Variants in AMHR2 observed in about 807,000 individuals in gnomAD.
AMHR2 encodes anti-Muellerian hormone type-2 receptor.
A neutral mutation model predicts 61.4 loss-of-function variants in AMHR2; 36 were observed. The observed-to-expected ratio is 0.59, with a 90% confidence interval of 0.45 to 0.77. The LOEUF is 0.77. Ranked by LOEUF, AMHR2 falls within the 30% of genes least tolerant of loss-of-function variation. AMHR2 has a pLI of 0.00. For synonymous variants in AMHR2, 258 were observed against 279.4 expected (o/e 0.92, Z 0.76); for missense variants, 638 against 714.6 (o/e 0.89, Z 1.22).
Position 53,425,111 on chromosome 12 carries a change from G to A in AMHR2, c.425-54G>A. ...GCAAGCTCTCAGGAGGGGAAGAGCA[G>A]AGAGCAGGTTTGGGTCAGTGCTCTC... On this transcript the variant is annotated intron_variant, in intron 3 of 10. Coordinates refer to ENST00000257863, the MANE Select transcript of AMHR2 (RefSeq NM_020547.3). The A allele has an allele frequency of 1.9e-6, 3 of 1,610,858 alleles. No homozygotes were observed. In the South Asian group the frequency reaches 3.3e-5, roughly 18 times the overall value.
At chr12:53,430,480 C>T (rs1413212501) in intron 10 of AMHR2, 198 bp downstream of exon 10, 3 of 775,822 alleles carry the variant, frequency 3.9e-6, no homozygotes, top group Admixed American at 4.5e-5. Flanking sequence ...CTCACACAGT[C>T]GATTCCATCT....
chr12:53,425,068 G>C, intron 3 of AMHR2, 97 bp from the exon 4 acceptor site: 1 of 1,600,082 alleles, frequency 6.2e-7, no homozygotes, highest in Non-Finnish European at 8.5e-7. Context: ...TGTGACCAGG[G>C]TGGGGGTGGG....
chr12:53,430,918 A>T (rs1940048830), intron 10 of AMHR2: 1 of 564,694 alleles, frequency 1.8e-6, no homozygotes, highest in African/African-American at 1.9e-5. Context: ...GTAATTTCCC[A>T]TTAGCATATT....
chr12:53,424,192 G>A, intron 1 of AMHR2, 96 bp from the exon 2 acceptor site: 1 of 1,516,422 alleles, frequency 6.6e-7, no homozygotes, highest in South Asian at 1.1e-5. Context: ...CTGACGCTGG[G>A]ATGTGGAACA....
At chr12:53,426,055 G>T (rs1422507765) in intron 6 of AMHR2, 136 bp downstream of exon 6, 1 of 999,824 alleles carries the variant, frequency 1.0e-6, no homozygotes, top group African/African-American at 1.6e-5. Flanking sequence ...AAATGGCCAG[G>T]CGAGGTGGCC....
intron 2 of AMHR2, 75 bp from the exon 3 acceptor site, chr12:53,424,632 CCT>C (rs1041262774): frequency 6.5e-7 from 1 of 1,538,382 alleles, no homozygotes; most frequent in African/African-American, 1.4e-5. Flanking sequence ...AGGGATTTAC[CCT>C]CTGTTTCCAC....
In AMHR2 at chr12:53,425,800, G is replaced by A. The variant is rs1439647673; in HGVS notation, c.733G>A (p.Ala245Thr). 6.2e-7 allele frequency: 1 copy of A among 1,614,170 alleles called. No homozygotes were observed. Among genetic ancestry groups the A allele is most frequent in the Admixed American group, 1.7e-5 (1 of 60,018 alleles). Residue 245 changes from alanine (A) to threonine (T), a missense_variant, in exon 6 of 11, where the codon GCA (alanine) becomes ACA (threonine). Ala to Thr is a moderately conservative substitution (Grantham distance 58). Coordinates refer to ENST00000257863, the MANE Select transcript of AMHR2 (RefSeq NM_020547.3). ...TGTGGCTCAGTTCCAAGCTGAGAGAGCATTGTACGAACTTCCAGGCCTACA... is the reference window on the plus strand; with the variant it reads ...TGTGGCTCAGTTCCAAGCTGAGAGAACATTGTACGAACTTCCAGGCCTACA... ...RSVAQFQAER[A>T]LYELPGLQHD...
Position 53,424,390 on chromosome 12 carries a change from G to T in AMHR2, c.152G>T (p.Arg51Ile). ...ELLDTGTELPRAIRCLYSRCC... is the reference protein window; with the variant it reads ...ELLDTGTELPIAIRCLYSRCC... ...CTAGATACAGGCACAGAGCTCCCCAGAGCTATCCGCTGCCTCTACAGCCGC... is the reference window on the plus strand; with the variant it reads ...CTAGATACAGGCACAGAGCTCCCCATAGCTATCCGCTGCCTCTACAGCCGC... Residue 51 changes from arginine (R) to isoleucine (I), a missense_variant, in exon 2 of 11, where the codon AGA (arginine) becomes ATA (isoleucine). Transcript: ENST00000257863. The T allele has an allele frequency of 6.2e-7, 1 of 1,613,676 alleles. No homozygotes were observed. The highest frequency in any genetic ancestry group is 1.3e-5 in the African/African-American group (1 of 75,028).
In AMHR2 at chr12:53,424,177, C is replaced by T. The variant is rs367934106; in HGVS notation, c.50-111C>T. 156 of 1,471,052 alleles carry T rather than the reference C, an allele frequency of 1.1e-4. No individual in the cohort carries two copies. The African/African-American group carries it at 1.9e-3, about 18-fold the overall frequency. 91.1% of individuals were successfully genotyped at this position (1,471,052 alleles called of 1,614,324 possible). A position where few individuals can be genotyped will look rare whatever the true frequency, so the allele number is the denominator to read the frequency against. On this transcript the variant is annotated intron_variant, in intron 1 of 10. Coordinates refer to ENST00000257863, the MANE Select transcript of AMHR2 (RefSeq NM_020547.3). ...GACCCTGCTTCCTCCTGTGGCTTTA[C>T]CATACTGACGCTGGGATGTGGAACA...
chr12:53,429,527 G>A lies in AMHR2; in HGVS notation c.1042G>A (p.Ala348Thr), dbSNP rs142231712. 4 of 1,613,634 alleles carry A rather than the reference G, an allele frequency of 2.5e-6. No individual in the cohort carries two copies. Among genetic ancestry groups the A allele is most frequent in the Non-Finnish European group, 3.4e-6 (4 of 1,179,982 alleles). Residue 348 changes from alanine (A) to threonine (T), a missense_variant, in exon 8 of 11, where the codon GCC becomes ACC. By Grantham distance (58) the Ala-to-Thr change is moderately conservative (BLOSUM62 0). Coordinates refer to ENST00000257863, the MANE Select transcript of AMHR2 (RefSeq NM_020547.3). ...GCTCATTCGGGAAGATGGATCGTGT[G>A]CCATTGGAGACCTGGGCCTTGCCTT... ...NVLIREDGSC[A>T]IGDLGLALVL...
At chr12:53,426,514 T>C (rs1254388190) in intron 6 of AMHR2, among the ~76,000 whole-genome samples, 3 of 151,362 alleles carry the variant, frequency 2.0e-5, no homozygotes, top group Non-Finnish European at 2.9e-5. Context: ...TCCCAGCTAC[T>C]TGGGAGGCTG....
At chr12:53,428,359 C>T (rs142890072) in intron 6 of AMHR2, among the ~76,000 whole-genome samples, 109 of 152,312 alleles carry the variant, frequency 7.2e-4, no homozygotes, top group African/African-American at 2.5e-3. Context: ...TGGCTCTGCC[C>T]GTCTATGTGT....
chr12:53,424,919 T>A lies in AMHR2; in HGVS notation c.424+19T>A. On this transcript the variant is annotated intron_variant, in intron 3 of 10. Transcript: ENST00000257863. ...GCCCCAGGTAGCCACCCAAGGGTACTGAAGCCTGATGGGGGCTGGGGCCCA... is the reference window on the plus strand; with the variant it reads ...GCCCCAGGTAGCCACCCAAGGGTACAGAAGCCTGATGGGGGCTGGGGCCCA... The A allele has an allele frequency of 6.2e-7, 1 of 1,605,848 alleles. No individual in the cohort carries two copies. Among genetic ancestry groups the A allele is most frequent in the Non-Finnish European group, 8.5e-7 (1 of 1,178,542 alleles).
Position 53,429,857 on chromosome 12 carries a change from A to G in AMHR2, c.1167A>G (p.Pro389=). 6.2e-7 allele frequency: 1 copy of G among 1,614,198 alleles called. No individual in the cohort carries two copies. The highest frequency in any genetic ancestry group is 1.1e-5 in the South Asian group (1 of 91,090). The change falls in exon 9 of 11, where the codon CCA becomes CCG. Residue 389 remains proline, a synonymous_variant. Coordinates refer to ENST00000257863, the MANE Select transcript of AMHR2 (RefSeq NM_020547.3). ...MEAGTQRYMA[P]ELLDKTLDLQ... ...CTGGCACCCAGAGGTACATGGCACC[A>G]GAGCTCTTGGACAAGACTCTGGACC...
Position 53,430,400 on chromosome 12 carries a change from C to T in AMHR2, c.1425+118C>T, listed in dbSNP as rs1020678013. 6 of 1,530,868 alleles carry T rather than the reference C, an allele frequency of 3.9e-6. No homozygotes were observed. The African/African-American group carries it at 6.8e-5, about 17-fold the overall frequency. The allele number at this position is 1,530,868 out of a possible 1,614,324, so 94.8% of individuals were successfully genotyped here. A position where few individuals can be genotyped will look rare whatever the true frequency, so the allele number is the denominator to read the frequency against. ...TATCTCCACTTATCTCCCATCACTC[C>T]TTGGTTCATGCTCAGCTGGAACTGG... is the stretch of plus-strand genomic sequence containing the variant. On this transcript the variant is annotated intron_variant, in intron 10 of 10. Coordinates refer to ENST00000257863, the MANE Select transcript of AMHR2 (RefSeq NM_020547.3).
rs540527225 is a variant in AMHR2, at chr12:53,425,260, C to A, written c.502+18C>A. The A allele has an allele frequency of 6.2e-7, 1 of 1,612,802 alleles. No individual in the cohort carries two copies. The highest frequency in any genetic ancestry group is 1.3e-5 in the African/African-American group (1 of 75,020). On this transcript the variant is annotated intron_variant, in intron 4 of 10. Coordinates refer to ENST00000257863, the MANE Select transcript of AMHR2 (RefSeq NM_020547.3). ...CATCTTGGGTACTAATCCACCCCAT[C>A]CCTCCCTTGTGACCCCAAGACATTG...
Position 53,430,191 on chromosome 12 carries a change from GCAATACC to G in AMHR2, c.1336_1342del (p.Asn446LeufsTer33). The G allele has an allele frequency of 6.2e-7, 1 of 1,612,896 alleles. No individual in the cohort carries two copies. Among genetic ancestry groups the G allele is most frequent in the Non-Finnish European group, 8.5e-7 (1 of 1,178,992 alleles). ...CAACTGGCCTATGAGGCAGAACTGG[GCAATACC>G]CCTACCTCTGATGAGCTATGGGCCT... On this transcript the variant is annotated frameshift_variant, in exon 10 of 11. Transcript: ENST00000257863. LOFTEE classifies it high-confidence loss of function.
At position 53,431,461 on chromosome 12, in the gene AMHR2, T is replaced by A. The variant is rs762762507; in HGVS notation, c.1710T>A (p.Leu570=). The A allele has an allele frequency of 5.0e-5, 81 of 1,614,124 alleles. 1 individual carries two copies. The highest frequency in any genetic ancestry group is 3.5e-4 in the Admixed American group (21 of 60,010). ...GGAATCCTCAGCCTGCCTGTACCCT[T>A]TCTCCTGTGTAAATATGCAGTTTAT... is the stretch of plus-strand genomic sequence containing the variant. ...CSRNPQPACT[L]SPV The change falls in exon 11 of 11, where the codon CTT becomes CTA. Residue 570 remains leucine, a synonymous_variant. Coordinates refer to ENST00000257863, the MANE Select transcript of AMHR2 (RefSeq NM_020547.3).
In AMHR2 at chr12:53,425,661, C is replaced by A. The variant is rs1264505951; in HGVS notation, c.622-28C>A. ...TCCTGGCCCTGTTATAGCTCAGAGG[C>A]CCACACTCAGCACAGTGTCCCCAGC... On this transcript the variant is annotated intron_variant, in intron 5 of 10. Coordinates refer to ENST00000257863, the MANE Select transcript of AMHR2 (RefSeq NM_020547.3). The A allele has an allele frequency of 1.9e-6, 3 of 1,613,178 alleles. No homozygotes were observed. The Admixed American group carries it at 5.0e-5, about 27-fold the overall frequency.
Sources: allele counts gnomAD v4.1 joint callset (sites outside exome capture counted in the v4.1 genomes callset), GRCh38; gene constraint gnomAD v4.1.1; transcripts MANE v1.5; gene names NCBI Gene and HGNC (gene_info 2026-07-23, HGNC 2026-07-21).